The following FCHSD2 variants were observed in gnomAD, a reference collection of about 807,000 sequenced individuals.
FCHSD2 encodes the protein FCH and double SH3 domains 2.
A neutral mutation model predicts 108.1 loss-of-function variants in FCHSD2; 38 were observed. The ratio of observed to expected loss-of-function variants is 0.35; its 90% CI spans 0.27 to 0.46. The LOEUF (loss-of-function observed/expected upper bound fraction) is 0.46, where lower values mean the gene tolerates loss of function less well. FCHSD2 is among the 20% of genes least tolerant of loss of function. The pLI is 1.00. For missense variants in FCHSD2, 751 were observed against 897.8 expected (o/e 0.84, Z 2.09); for synonymous variants, 279 against 314.7 (o/e 0.89, Z 1.20).
At position 73,111,713 on chromosome 11, in the gene FCHSD2, TG is replaced by T. The variant is rs537871461; in HGVS notation, c.120-27974del. Among the ~76,000 whole-genome samples, 13 of 152,312 alleles carry T rather than the reference TG, an allele frequency of 8.5e-5. No individual in the cohort carries two copies. In the South Asian group the frequency reaches 2.7e-3, roughly 32 times the overall value. On this transcript the variant is annotated intron_variant, in intron 2 of 19. Transcript: ENST00000409418. ...TCCTTTTAGTGAAGGTGATTTTCTC[TG>T]GTGGGGTGTTTTAATTTCTTGCTTT...
intron 8 of FCHSD2, among the ~76,000 whole-genome samples, chr11:72,927,796 C>T (rs191723184): frequency 8.7e-4 from 132 of 152,308 alleles, no homozygotes; most frequent in Non-Finnish European, 1.7e-3. Flanking sequence ...AGAAGCCTAC[C>T]ATCCTGAATA....
At position 73,078,865 on chromosome 11, in the gene FCHSD2, G is replaced by A. The variant is rs546956177; in HGVS notation, c.165+4830C>T. ...TCCAAGTAGTTACGACTAGAGGCATGCGTCACCTCGCCTGGCTAATTTTTT... is the reference window on the plus strand; with the variant it reads ...TCCAAGTAGTTACGACTAGAGGCATACGTCACCTCGCCTGGCTAATTTTTT... On this transcript the variant is annotated intron_variant, in intron 3 of 19. Coordinates refer to ENST00000409418, the MANE Select transcript of FCHSD2 (RefSeq NM_014824.3). Among the ~76,000 whole-genome samples, 7 of 152,256 alleles carry A rather than the reference G, an allele frequency of 4.6e-5. No individual in the cohort carries two copies. In the East Asian group the frequency reaches 1.4e-3, roughly 29 times the overall value.
At chr11:73,109,843 T>C (rs906389355) in intron 2 of FCHSD2, among the ~76,000 whole-genome samples, 1 of 152,202 alleles carries the variant, frequency 6.6e-6, no homozygotes, top group Non-Finnish European at 1.5e-5. Flanking sequence ...CTGTCTTAAA[T>C]GGCTTTTATT....
At chr11:73,138,314 T>C (rs1242028768) in intron 2 of FCHSD2, among the ~76,000 whole-genome samples, 3 of 152,190 alleles carry the variant, frequency 2.0e-5, no homozygotes, top group Non-Finnish European at 4.4e-5. Flanking sequence ...CTGACTGCAG[T>C]GTCCATATTC....
chr11:72,957,636 C>T (rs921424620), intron 8 of FCHSD2, among the ~76,000 whole-genome samples: 3 of 151,104 alleles, frequency 2.0e-5, no homozygotes, highest in African/African-American at 7.3e-5. Flanking sequence ...TGTATTGGGT[C>T]TGTGGTTTGG....
chr11:73,099,156 A>C (rs1334267589), intron 2 of FCHSD2, among the ~76,000 whole-genome samples: 3 of 152,202 alleles, frequency 2.0e-5, no homozygotes, highest in African/African-American at 7.2e-5. Context: ...TCCAGGTTGC[A>C]GTAAGCTATG....
At chr11:72,871,206 T>A (rs1854850712) in intron 12 of FCHSD2, among the ~76,000 whole-genome samples, 1 of 152,196 alleles carries the variant, frequency 6.6e-6, no homozygotes, top group Admixed American at 6.5e-5. Context: ...AGTCAGCTAA[T>A]CTGTGACAGC....
intron 4 of FCHSD2, 118 bp from the exon 5 acceptor site, chr11:73,001,252 A>G: frequency 1.2e-6 from 1 of 807,060 alleles, no homozygotes; most frequent in Non-Finnish European, 2.0e-6. Flanking sequence ...TAATGTATTT[A>G]TAATGGCTTA....
At chr11:73,052,241 TAA>T (rs1176343027) in intron 3 of FCHSD2, among the ~76,000 whole-genome samples, 4 of 152,238 alleles carry the variant, frequency 2.6e-5, no homozygotes, top group Non-Finnish European at 5.9e-5. Flanking sequence ...TGAAAAATTA[TAA>T]GTCAATAAAC....
At chr11:73,106,676 A>C (rs891775256) in intron 2 of FCHSD2, among the ~76,000 whole-genome samples, 1 of 152,158 alleles carries the variant, frequency 6.6e-6, no homozygotes, top group Non-Finnish European at 1.5e-5. Flanking sequence ...TGGGGTCCCC[A>C]AAAATTAGAA....
At chr11:72,971,719 T>A (rs1195695441) in intron 8 of FCHSD2, among the ~76,000 whole-genome samples, 1 of 152,130 alleles carries the variant, frequency 6.6e-6, no homozygotes, top group East Asian at 1.9e-4. Context: ...AATCTCCAGA[T>A]AAGAATGCAG....
intron 3 of FCHSD2, among the ~76,000 whole-genome samples, chr11:73,059,267 T>C (rs1024840328): frequency 6.6e-6 from 1 of 152,104 alleles, no homozygotes; most frequent in Non-Finnish European, 1.5e-5. Flanking sequence ...ACGGTTTATT[T>C]ACCCTCCGTG....
At chr11:73,002,468 T>A (rs1188123978) in intron 4 of FCHSD2, among the ~76,000 whole-genome samples, 1 of 152,210 alleles carries the variant, frequency 6.6e-6, no homozygotes, top group East Asian at 1.9e-4. Context: ...ACTTGCAATG[T>A]AAACTCACCA....
chr11:73,071,635 A>G (rs1859439388), intron 3 of FCHSD2, among the ~76,000 whole-genome samples: 1 of 152,104 alleles, frequency 6.6e-6, no homozygotes, highest in Admixed American at 6.5e-5. Flanking sequence ...TGAGAGGCAG[A>G]GGCTGCAGTG....
At chr11:72,928,715 CT>C (rs1180263819) in intron 8 of FCHSD2, among the ~76,000 whole-genome samples, 1 of 151,916 alleles carries the variant, frequency 6.6e-6, no homozygotes, top group African/African-American at 2.4e-5. Context: ...AAGCCACTTT[CT>C]TTTTTTTATT....
At chr11:72,991,426 C>A (rs1467940011) in intron 5 of FCHSD2, among the ~76,000 whole-genome samples, 10 of 152,162 alleles carry the variant, frequency 6.6e-5, no homozygotes, top group Admixed American at 1.3e-4. Context: ...GAATTTTAGA[C>A]CAATATCCCT....
intron 3 of FCHSD2, among the ~76,000 whole-genome samples, chr11:73,021,614 C>T (rs772418693): frequency 3.1e-4 from 47 of 151,922 alleles, no homozygotes; most frequent in Non-Finnish European, 6.6e-4. Flanking sequence ...GGGTACTAGG[C>T]TTAATACCTG....
chr11:73,103,248 T>C (rs918795860), intron 2 of FCHSD2, among the ~76,000 whole-genome samples: 1 of 152,158 alleles, frequency 6.6e-6, no homozygotes, highest in Non-Finnish European at 1.5e-5. Flanking sequence ...GTATGCAAAT[T>C]GTCTCAGTAA....
chr11:72,884,616 C>A (rs1021021522), intron 12 of FCHSD2, among the ~76,000 whole-genome samples: 8 of 149,316 alleles, frequency 5.4e-5, no homozygotes, highest in African/African-American at 1.2e-4. Context: ...CATATATATA[C>A]ACACACATAC....
Sources: allele counts gnomAD v4.1 joint callset (sites outside exome capture counted in the v4.1 genomes callset), GRCh38; gene constraint gnomAD v4.1.1; transcripts MANE v1.5; gene names NCBI Gene and HGNC (gene_info 2026-07-23, HGNC 2026-07-21).